PLXNA4: variants seen among roughly 807,000 people sequenced by gnomAD.
PLXNA4 encodes the protein plexin A4.
In PLXNA4, 44 loss-of-function variants were observed where a neutral mutation model predicts 191.8. The ratio of observed to expected loss-of-function variants is 0.23; its 90% CI spans 0.18 to 0.29. The LOEUF (loss-of-function observed/expected upper bound fraction) is 0.29. PLXNA4 is among the 10% of genes least tolerant of loss of function. PLXNA4 has a pLI of 1.00. For synonymous variants in PLXNA4, 1,082 were observed against 1,009.5 expected, an observed-to-expected ratio of 1.07 and a Z score of -1.36; for missense variants, 1,800 against 2,488.8, an observed-to-expected ratio of 0.72 and a Z score of 5.89.
intron 10 of PLXNA4, among the ~76,000 whole-genome samples, chr7:132,204,934 A>G (rs1368713574): frequency 1.3e-5 from 2 of 152,138 alleles, no homozygotes; most frequent in Admixed American, 6.5e-5. Flanking sequence ...CCTAGCATCC[A>G]GAGTTCTAAC....
intron 1 of PLXNA4, among the ~76,000 whole-genome samples, chr7:132,544,536 G>A (rs902003807): frequency 3.3e-5 from 5 of 152,154 alleles, no homozygotes; most frequent in Non-Finnish European, 7.3e-5. Context: ...ATAGACTTAA[G>A]TGTGCAGAGG....
At chr7:132,334,252 C>CTTTTTTTTT (rs71529758) in intron 3 of PLXNA4, among the ~76,000 whole-genome samples, 82 of 75,586 alleles carry the variant, frequency 1.1e-3, no homozygotes, top group Non-Finnish European at 1.2e-3. Context: ...TTCTTTCTTT[C>CTTTTTTTTT]TTTTTTTTTT....
intron 3 of PLXNA4, among the ~76,000 whole-genome samples, chr7:132,396,040 C>G (rs1793741515): frequency 6.6e-6 from 1 of 152,150 alleles, no homozygotes; most frequent in South Asian, 2.1e-4. Context: ...TGCCTGGGGA[C>G]TTCCTGGGAC....
chr7:132,307,912 C>A (rs1801591396), intron 3 of PLXNA4, among the ~76,000 whole-genome samples: 1 of 152,128 alleles, frequency 6.6e-6, no homozygotes, highest in Non-Finnish European at 1.5e-5. Context: ...TGCCGTGTTA[C>A]CAAACACTGC....
At chr7:132,412,512 A>G (rs998300176) in intron 3 of PLXNA4, among the ~76,000 whole-genome samples, 2 of 152,220 alleles carry the variant, frequency 1.3e-5, no homozygotes, top group Non-Finnish European at 2.9e-5. Context: ...GTGAGCTGAC[A>G]ACGAAATCCT....
chr7:132,517,304 G>A (rs1251340198), intron 1 of PLXNA4, among the ~76,000 whole-genome samples: 3 of 152,120 alleles, frequency 2.0e-5, no homozygotes, highest in African/African-American at 7.2e-5. Flanking sequence ...AGGTCATGGT[G>A]ACATTTCCAT....
At chr7:132,353,266 A>T (rs910678486) in intron 3 of PLXNA4, among the ~76,000 whole-genome samples, 1 of 152,158 alleles carries the variant, frequency 6.6e-6, no homozygotes, top group African/African-American at 2.4e-5. Context: ...ATCCCAGAAC[A>T]CTTTTTGTGA....
intron 3 of PLXNA4, chr7:132,485,127 C>T (rs1797501999): frequency 2.8e-6 from 4 of 1,428,398 alleles, no homozygotes; most frequent in South Asian, 2.8e-5. Flanking sequence ...CTATATACTC[C>T]TATTGCCTCT....
chr7:132,571,692 C>T (rs748132128), intron 1 of PLXNA4, among the ~76,000 whole-genome samples: 8 of 152,168 alleles, frequency 5.3e-5, no homozygotes, highest in Non-Finnish European at 1.0e-4. Flanking sequence ...CAATACCTAC[C>T]TTGCACAGCT....
chr7:132,613,936 T>C (rs577489933), intron 2 of PLXNA4, among the ~76,000 whole-genome samples: 3 of 152,072 alleles, frequency 2.0e-5, no homozygotes, highest in African/African-American at 7.2e-5. Context: ...AAGGGCAACA[T>C]TGGAAGGAGG....
At chr7:132,305,680 G>A (rs926965616) in intron 3 of PLXNA4, among the ~76,000 whole-genome samples, 3 of 152,176 alleles carry the variant, frequency 2.0e-5, no homozygotes, top group African/African-American at 7.2e-5. Context: ...ATCTGGGCCG[G>A]GCTGTTTATT....
At chr7:132,395,062 G>A (rs1345450304) in intron 3 of PLXNA4, among the ~76,000 whole-genome samples, 1 of 152,252 alleles carries the variant, frequency 6.6e-6, no homozygotes, top group African/African-American at 2.4e-5. Flanking sequence ...CAGCCTTACA[G>A]CAAATGGGTA....
intron 3 of PLXNA4, among the ~76,000 whole-genome samples, chr7:132,360,872 G>A (rs1380074795): frequency 2.6e-5 from 4 of 152,218 alleles, no homozygotes; most frequent in Non-Finnish European, 5.9e-5. Flanking sequence ...CATTCTGCTT[G>A]GAGATGGGGG....
intron 2 of PLXNA4, among the ~76,000 whole-genome samples, chr7:132,619,197 T>C (rs1298275156): frequency 6.6e-6 from 1 of 152,226 alleles, no homozygotes; most frequent in East Asian, 1.9e-4. Context: ...TATATGTGTA[T>C]GTTTCTCAAA....
At chr7:132,426,609 C>G (rs1002470367) in intron 3 of PLXNA4, among the ~76,000 whole-genome samples, 2 of 152,156 alleles carry the variant, frequency 1.3e-5, no homozygotes, top group Non-Finnish European at 2.9e-5. Flanking sequence ...GAGGCACATT[C>G]TTCATTCACT....
intron 28 of PLXNA4, chr7:132,145,559 A>C (rs1042929396): frequency 2.2e-6 from 1 of 458,050 alleles, no homozygotes; most frequent in South Asian, 2.5e-5. Context: ...TTGGTTGAAC[A>C]CCCTCTGGCG....
chr7:132,449,953 C>A (rs1239756049), intron 3 of PLXNA4, among the ~76,000 whole-genome samples: 1 of 152,234 alleles, frequency 6.6e-6, no homozygotes, highest in Non-Finnish European at 1.5e-5. Flanking sequence ...TGACAGTCCC[C>A]CTGGGGGCCC....
In PLXNA4 at chr7:132,386,729, G is replaced by A. The variant is rs114885213; in HGVS notation, c.1372-88507C>T. Among the ~76,000 whole-genome samples, 896 of 152,328 alleles carry A rather than the reference G, an allele frequency of 5.9e-3. 7 individuals are homozygous for A. The highest frequency in any genetic ancestry group is 0.021 in the African/African-American group (876 of 41,574). ...AAACATTGAGCTCGGAAAACAGGTG[G>A]GATGAGGATATTCCAGGGACCTGGC... On this transcript the variant is annotated intron_variant, in intron 3 of 31. Coordinates refer to ENST00000321063, the MANE Select transcript of PLXNA4 (RefSeq NM_020911.2).
intron 3 of PLXNA4, among the ~76,000 whole-genome samples, chr7:132,326,747 A>G (rs573066581): frequency 7.9e-5 from 12 of 152,260 alleles, no homozygotes; most frequent in East Asian, 3.9e-4. Flanking sequence ...TTTATATAAC[A>G]CAACCTGAAG....
Sources: gnomAD v4.1 joint callset for allele counts (sites outside exome capture counted in the v4.1 genomes callset) on GRCh38, gnomAD v4.1.1 for gene constraint, MANE v1.5 for transcripts, NCBI Gene and HGNC (gene_info 2026-07-23, HGNC 2026-07-21) for gene names.